CES1: variants seen among roughly 807,000 people sequenced by gnomAD.
The protein encoded by CES1 is carboxylesterase 1, also known as liver carboxylesterase 1.
CES1 carries 50 observed loss-of-function variants against 53.0 expected under a neutral mutation model. That is an observed-to-expected ratio of 0.94 (90% CI 0.75 to 1.19). The LOEUF is 1.19. Ranked by LOEUF, CES1 falls within the 50% of genes most tolerant of loss-of-function variation. The pLI is 0.00. For missense variants in CES1, 534 were observed against 538.0 expected (o/e 0.99, Z 0.07); for synonymous variants, 202 against 210.1 (o/e 0.96, Z 0.33).
Position 55,828,846 on chromosome 16 carries a change from G to C in CES1, c.181C>G (p.Leu61Val). Residue 61 changes from leucine to valine, a missense_variant, in exon 2 of 14, where the codon CTT becomes GTT. Coordinates refer to ENST00000360526, the MANE Select transcript of CES1 (RefSeq NM_001025195.2). ...GGTGGAGTAAACCTCAGGGGTCCAA[G>C]AGGCGGCTTGGCAAAAGGGATTCCC... Reference protein sequence around the residue: ...FLGIPFAKPPLGPLRFTPPQP... With the variant: ...FLGIPFAKPPVGPLRFTPPQP... The C allele has an allele frequency of 5.0e-6, 8 of 1,614,310 alleles. No homozygotes were observed. Among genetic ancestry groups the C allele is most frequent in the Non-Finnish European group, 6.8e-6 (8 of 1,180,058 alleles).
intron 11 of CES1, among the ~76,000 whole-genome samples, chr16:55,809,537 G>T (rs565181809): frequency 6.6e-6 from 1 of 152,316 alleles, no homozygotes; most frequent in South Asian, 2.1e-4. Flanking sequence ...CTCTCTAGGT[G>T]AGCACACACA....
chr16:55,826,634 G>C (rs2032429306), intron 2 of CES1, among the ~76,000 whole-genome samples: 2 of 152,188 alleles, frequency 1.3e-5, no homozygotes, highest in South Asian at 4.1e-4. Context: ...ATCTTTGTGG[G>C]ACAACATCAG....
At chr16:55,826,424 T>G (rs1320738712) in intron 2 of CES1, 129 bp from the exon 3 acceptor site, 1 of 1,200,892 alleles carries the variant, frequency 8.3e-7, no homozygotes, top group Non-Finnish European at 1.2e-6. Context: ...CACGACATTG[T>G]AGTGGGTAGG....
intron 8 of CES1, among the ~76,000 whole-genome samples, chr16:55,814,601 G>T (rs1481291572): frequency 2.0e-5 from 3 of 152,216 alleles, no homozygotes; most frequent in Admixed American, 1.3e-4. Context: ...TAACTGTTAG[G>T]TATTACTTGT....
intron 7 of CES1, among the ~76,000 whole-genome samples, chr16:55,818,720 C>A (rs1597077251): frequency 1.3e-5 from 2 of 151,828 alleles, no homozygotes; most frequent in South Asian, 4.2e-4. Flanking sequence ...ACCTCTAACA[C>A]CCACCCCTAC....
chr16:55,827,036 A>C (rs1225017825), intron 2 of CES1, among the ~76,000 whole-genome samples: 1 of 152,210 alleles, frequency 6.6e-6, no homozygotes. Context: ...GACCAAGGTT[A>C]CATAGCCAGG....
At chr16:55,813,680 G>A (rs1190372588) in intron 8 of CES1, among the ~76,000 whole-genome samples, 2 of 152,112 alleles carry the variant, frequency 1.3e-5, no homozygotes, top group Non-Finnish European at 2.9e-5. Flanking sequence ...CAGCACTGCA[G>A]CTCCTGCCTC....
chr16:55,817,487 G>A (rs1378908697), intron 7 of CES1, among the ~76,000 whole-genome samples: 2 of 152,180 alleles, frequency 1.3e-5, no homozygotes, highest in South Asian at 2.1e-4. Flanking sequence ...CCTGACTCAC[G>A]CAAGCTCACT....
At chr16:55,824,558 C>A (rs1197409615) in intron 3 of CES1, among the ~76,000 whole-genome samples, 1 of 152,198 alleles carries the variant, frequency 6.6e-6, no homozygotes, top group East Asian at 1.9e-4. Flanking sequence ...AGGCACTTAA[C>A]CTGCCCAAGG....
At position 55,810,559 on chromosome 16, in the gene CES1, T is replaced by C. The variant is rs755543838; in HGVS notation, c.1276A>G (p.Met426Val). The C allele has an allele frequency of 6.2e-7, 1 of 1,614,188 alleles. No individual in the cohort carries two copies. Among genetic ancestry groups the C allele is most frequent in the South Asian group, 1.1e-5 (1 of 91,088 alleles). Residue 426 changes from methionine to valine, a missense_variant, in exon 11 of 14, where the codon ATG becomes GTG. Around this residue, in one of 5 missense-constraint regions of CES1, gnomAD observed 269 missense variants for 206.6 expected, o/e 1.30. Coordinates refer to ENST00000360526, the MANE Select transcript of CES1 (RefSeq NM_001025195.2). ...DLFLDLIADV[M>V]FGVPSVIVAR... ...ACAATCACAGATGGGACACCAAACA[T>C]CACATCTGCTATCAAGTCCAGGAAC...
At chr16:55,818,710 A>G (rs1813500238) in intron 7 of CES1, among the ~76,000 whole-genome samples, 1 of 151,884 alleles carries the variant, frequency 6.6e-6, no homozygotes. Flanking sequence ...CTGTTTTGCT[A>G]CCTCTAACAC....
chr16:55,817,519 T>G (rs750827702), intron 7 of CES1, among the ~76,000 whole-genome samples: 22 of 152,238 alleles, frequency 1.4e-4, no homozygotes, highest in Non-Finnish European at 1.2e-4. Flanking sequence ...TACCCCATGC[T>G]TCTCTTTGGT....
chr16:55,830,763 A>T (rs2032610688), intron 1 of CES1, among the ~76,000 whole-genome samples: 1 of 145,606 alleles, frequency 6.9e-6, no homozygotes. Context: ...GGAAAGAAGG[A>T]AGGAAGGAAA....
chr16:55,824,636 T>C (rs1165710687), intron 3 of CES1, among the ~76,000 whole-genome samples: 12 of 152,218 alleles, frequency 7.9e-5, no homozygotes, highest in African/African-American at 2.9e-4. Context: ...GTCCACATGT[T>C]GAGCTGCCCA....
At position 55,826,669 on chromosome 16, in the gene CES1, C is replaced by G. The variant is rs536691125; in HGVS notation, c.261-374G>C. On this transcript the variant is annotated intron_variant, in intron 2 of 13. Coordinates refer to ENST00000360526, the MANE Select transcript of CES1 (RefSeq NM_001025195.2). ...GGAGAATTGTGCTCTAGTTTTGTCT[C>G]TCCCATGCATTTATGGGGTGACCTT... is the stretch of plus-strand genomic sequence containing the variant. 2.8e-4 allele frequency among the ~76,000 whole-genome samples: 42 copies of G among 152,308 alleles called. No individual in the cohort carries two copies. In the South Asian group the frequency reaches 6.0e-3, roughly 22 times the overall value.
intron 1 of CES1, among the ~76,000 whole-genome samples, 159 bp downstream of exon 1, chr16:55,832,845 C>G (rs573593694): frequency 6.6e-6 from 1 of 152,240 alleles, no homozygotes; most frequent in Non-Finnish European, 1.5e-5. Flanking sequence ...CCAGGCTGGC[C>G]GGGCTCAGCT....
At chr16:55,819,737 G>C in intron 6 of CES1, 98 bp from the exon 7 acceptor site, 1 of 1,022,836 alleles carries the variant, frequency 9.8e-7, no homozygotes, top group East Asian at 2.3e-5. Context: ...ACTTGTACTA[G>C]TGGCAGGGAG....
rs541067701 is a variant in CES1 at position 55,813,353 on chromosome 16, T to C, written c.946-310A>G. 2.2e-4 allele frequency among the ~76,000 whole-genome samples: 34 copies of C among 152,294 alleles called. No homozygotes were observed. The South Asian group carries it at 6.6e-3, about 30-fold the overall frequency. ...TGAAGTGCATGCATTTTCCTCTGTGTGTCCACAATTGATTTTCGGTAGTCC... is the reference window on the plus strand; with the variant it reads ...TGAAGTGCATGCATTTTCCTCTGTGCGTCCACAATTGATTTTCGGTAGTCC... On this transcript the variant is annotated intron_variant, in intron 8 of 13. Coordinates refer to ENST00000360526, the MANE Select transcript of CES1 (RefSeq NM_001025195.2).
intron 3 of CES1, among the ~76,000 whole-genome samples, chr16:55,825,249 C>T (rs1597086706): frequency 6.6e-6 from 1 of 152,312 alleles, no homozygotes; most frequent in East Asian, 1.9e-4. Flanking sequence ...TCTCACAAAG[C>T]ACATGTAGGA....
Sources: gnomAD v4.1 joint callset for allele counts (sites outside exome capture counted in the v4.1 genomes callset) on GRCh38, gnomAD v4.1.1 for gene constraint, gnomAD v4.1.1 regional missense constraint, MANE v1.5 for transcripts, NCBI Gene and HGNC (gene_info 2026-07-23, HGNC 2026-07-21) for gene names.